KIDINS220: variants seen among roughly 807,000 people sequenced by gnomAD.
KIDINS220 encodes kinase D interacting substrate 220.
KIDINS220 carries 63 observed loss-of-function variants against 157.6 expected under a neutral mutation model. The ratio of observed to expected loss-of-function variants is 0.40; its 90% CI spans 0.33 to 0.49. The LOEUF is 0.49. Among genes scored for constraint, KIDINS220 ranks in the 20% least tolerant of loss-of-function variants. The probability of loss-of-function intolerance (pLI) is 0.66; values close to 1 mark genes in which losing one functional copy is unlikely to be tolerated. For missense variants in KIDINS220, 1,772 were observed against 2,171.2 expected (o/e 0.82, Z 3.65); for synonymous variants, 732 against 783.6 (o/e 0.93, Z 1.10).
rs1347005418 is a variant in KIDINS220, at chr2:8,798,250, C to T, written c.951G>A (p.Met317Ile). 4 of 1,612,756 alleles carry T rather than the reference C, an allele frequency of 2.5e-6. No individual in the cohort carries two copies. The highest frequency in any genetic ancestry group is 3.4e-6 in the Non-Finnish European group (4 of 1,179,006). The change falls in exon 10 of 30, where the codon ATG becomes ATA. Residue 317 changes from methionine (M) to isoleucine (I), a missense_variant. Coordinates refer to ENST00000256707, the MANE Select transcript of KIDINS220 (RefSeq NM_020738.4). ...GATTGCACTGTAAGATATCTCTCAC[C>T]ATTGTTGCATTTCCTTTCTCAACAG... is the stretch of plus-strand genomic sequence containing the variant. ...YWAVEKGNAT[M>I]VRDILQCNPD... is the part of the protein sequence containing the mutation.
At position 8,813,348 on chromosome 2, in the gene KIDINS220, T is replaced by A; in HGVS notation, c.307-13A>T. On this transcript the variant is annotated splice_polypyrimidine_tract_variant and intron_variant, in intron 4 of 29. Transcript: ENST00000256707. Reference sequence around the variant, plus strand: ...CTGTCCATCCTCCCTAAACAAAAAATGTAGGGGTAAGGGAATCAAACTTTA... The same window carrying A: ...CTGTCCATCCTCCCTAAACAAAAAAAGTAGGGGTAAGGGAATCAAACTTTA... The A allele has an allele frequency of 6.3e-7, 1 of 1,580,444 alleles. No homozygotes were observed. The highest frequency in any genetic ancestry group is 8.7e-7 in the Non-Finnish European group (1 of 1,156,064).
chr2:8,832,437 C>T (rs1679779937), intron 1 of KIDINS220, among the ~76,000 whole-genome samples: 2 of 152,184 alleles, frequency 1.3e-5, no homozygotes. Context: ...AAACCAATGA[C>T]ACGCTGTCAT....
chr2:8,766,288 TC>T (rs1274573316), intron 22 of KIDINS220, among the ~76,000 whole-genome samples: 2 of 152,124 alleles, frequency 1.3e-5, no homozygotes, highest in Admixed American at 6.6e-5. Flanking sequence ...CCGGAACTGT[TC>T]CCTCTGCCTG....
At chr2:8,808,230 T>C (rs887798894) in intron 6 of KIDINS220, among the ~76,000 whole-genome samples, 1 of 152,226 alleles carries the variant, frequency 6.6e-6, no homozygotes, top group South Asian at 2.1e-4. Context: ...GCCTCCTCTT[T>C]TGCGGATAAT....
Position 8,751,488 on chromosome 2 carries a change from G to A in KIDINS220, c.3168C>T (p.Pro1056=), listed in dbSNP as rs1667354483. 5 of 1,606,952 alleles carry A rather than the reference G, an allele frequency of 3.1e-6. No homozygotes were observed. The highest frequency in any genetic ancestry group is 4.2e-6 in the Non-Finnish European group (5 of 1,178,398). Reference sequence around the variant, plus strand: ...CACCTGCAATAATTTCCCGTAGTTTGGGATCTAGGTTTACAGTGCATGGCA... The same window carrying A: ...CACCTGCAATAATTTCCCGTAGTTTAGGATCTAGGTTTACAGTGCATGGCA... The part of the protein sequence containing the change: ...VFLPCTVNLD[P]KLREIIADVR... Residue 1056 remains proline, a synonymous_variant, in exon 23 of 30, where the codon CCC becomes CCT. Coordinates refer to ENST00000256707, the MANE Select transcript of KIDINS220 (RefSeq NM_020738.4).
At chr2:8,781,166 T>A (rs1370563147) in intron 17 of KIDINS220, among the ~76,000 whole-genome samples, 30 of 137,204 alleles carry the variant, frequency 2.2e-4, no homozygotes, top group African/African-American at 6.5e-4. Flanking sequence ...ATATATATAT[T>A]AAAGGGGGGC....
intron 2 of KIDINS220, among the ~76,000 whole-genome samples, chr2:8,824,689 A>G (rs958691682): frequency 1.3e-5 from 2 of 152,114 alleles, no homozygotes; most frequent in African/African-American, 4.8e-5. Flanking sequence ...AAAAACAAAA[A>G]ACACAAGCAA....
At chr2:8,748,904 A>C (rs1457895205) in intron 24 of KIDINS220, among the ~76,000 whole-genome samples, 1 of 152,208 alleles carries the variant, frequency 6.6e-6, no homozygotes, top group Non-Finnish European at 1.5e-5. Flanking sequence ...CTAGATGGTA[A>C]GGTAATCTTT....
chr2:8,811,432 C>G (rs1204808170), intron 6 of KIDINS220, among the ~76,000 whole-genome samples: 4 of 152,022 alleles, frequency 2.6e-5, no homozygotes, highest in African/African-American at 9.7e-5. Flanking sequence ...GGAAGGGGCA[C>G]CTAGGGTAAG....
intron 22 of KIDINS220, chr2:8,757,210 A>C: frequency 1.0e-6 from 1 of 972,626 alleles, no homozygotes; most frequent in Non-Finnish European, 1.2e-6. Flanking sequence ...TTTTCCCAAC[A>C]AAAGTGCATA....
downstream of KIDINS220, chr2:8,722,721 C>T (rs1424440434): frequency 2.6e-5 from 4 of 152,160 alleles, no homozygotes; most frequent in Admixed American, 2.0e-4. Context: ...GAAACTTCAC[C>T]TTTCCCCTAT....
At chr2:8,810,591 G>C (rs999483911) in intron 6 of KIDINS220, among the ~76,000 whole-genome samples, 2 of 152,176 alleles carry the variant, frequency 1.3e-5, no homozygotes, top group Non-Finnish European at 2.9e-5. Context: ...TTCGAGACCA[G>C]CCTGGCCAAC....
chr2:8,741,268 T>C (rs1665586668), intron 26 of KIDINS220, among the ~76,000 whole-genome samples: 1 of 152,150 alleles, frequency 6.6e-6, no homozygotes, highest in Non-Finnish European at 1.5e-5. Flanking sequence ...GAGCAATCTT[T>C]TAAAAAACAC....
intron 21 of KIDINS220, among the ~76,000 whole-genome samples, chr2:8,774,889 G>A (rs1431199969): frequency 2.0e-5 from 3 of 152,190 alleles, no homozygotes; most frequent in Admixed American, 6.5e-5. Context: ...TGTGGTTGCC[G>A]TATGGAGAAT....
chr2:8,795,902 G>T (rs965360204), intron 11 of KIDINS220, among the ~76,000 whole-genome samples: 1 of 152,144 alleles, frequency 6.6e-6, no homozygotes, highest in Non-Finnish European at 1.5e-5. Flanking sequence ...ATTCCATTTT[G>T]AAAACTCTTC....
Position 8,750,226 on chromosome 2 carries a change from G to T in KIDINS220, c.3300C>A (p.Ser1100=), listed in dbSNP as rs760553875. The T allele has an allele frequency of 6.2e-7, 1 of 1,614,162 alleles. No individual in the cohort carries two copies. Among genetic ancestry groups the T allele is most frequent in the Non-Finnish European group, 8.5e-7 (1 of 1,180,022 alleles). The change falls in exon 24 of 30, where the codon TCC becomes TCA. Residue 1100 remains serine, a synonymous_variant. Transcript: ENST00000256707. ...RAPSGYSQPP[S]VCSSTSFNGP... ...CATTGAAGGACGTGGAAGAGCACAC[G>T]GATGGGGGCTGGCTGTACCCTGATG...
intron 6 of KIDINS220, among the ~76,000 whole-genome samples, chr2:8,809,043 G>A (rs1244772885): frequency 2.0e-5 from 3 of 151,798 alleles, no homozygotes; most frequent in African/African-American, 7.3e-5. Flanking sequence ...CTTTGAGAGG[G>A]AGTCTCACTC....
At chr2:8,778,829 G>C in intron 19 of KIDINS220, 67 bp downstream of exon 19, 1 of 1,599,442 alleles carries the variant, frequency 6.3e-7, no homozygotes, top group Non-Finnish European at 8.6e-7. Flanking sequence ...AGGTAAAAAG[G>C]AGAGTCGCCA....
At chr2:8,792,887 T>C (rs1406637250) in intron 12 of KIDINS220, among the ~76,000 whole-genome samples, 1 of 152,254 alleles carries the variant, frequency 6.6e-6, no homozygotes, top group Non-Finnish European at 1.5e-5. Flanking sequence ...ACTGCAGCAC[T>C]AGTTGTTAGC....
Sources: allele counts gnomAD v4.1 joint callset (sites outside exome capture counted in the v4.1 genomes callset), GRCh38; gene constraint gnomAD v4.1.1; transcripts MANE v1.5; gene names NCBI Gene and HGNC (gene_info 2026-07-23, HGNC 2026-07-21).